PPP1R9A: variants seen among roughly 807,000 people sequenced by gnomAD.
The protein encoded by PPP1R9A is neurabin-1.
PPP1R9A carries 59 observed loss-of-function variants against 141.9 expected under a neutral mutation model. That is an observed-to-expected ratio of 0.42 (90% CI 0.34 to 0.52). The LOEUF is 0.52. PPP1R9A is among the 20% of genes least tolerant of loss of function. The pLI is 0.10. For synonymous variants in PPP1R9A, 500 were observed against 569.7 expected, an observed-to-expected ratio of 0.88 and a Z score of 1.74; for missense variants, 1,444 against 1,611.9, an observed-to-expected ratio of 0.90 and a Z score of 1.78.
Position 95,250,158 on chromosome 7 carries a change from A to G in PPP1R9A, c.2299A>G (p.Thr767Ala), listed in dbSNP as rs780336589. The G allele has an allele frequency of 3.6e-5, 58 of 1,613,920 alleles. No individual in the cohort carries two copies. Among genetic ancestry groups the G allele is most frequent in the Non-Finnish European group, 4.7e-5 (55 of 1,179,972 alleles). Residue 767 changes from threonine (T) to alanine (A), a missense_variant, in exon 10 of 20, where the codon ACA becomes GCA. Transcript: ENST00000433360. Reference sequence around the variant, plus strand: ...GATTGAGGCCCAAACATTATGCCACACAGTGAATGAGCATCTCAAAGAGAC... The same window carrying G: ...GATTGAGGCCCAAACATTATGCCACGCAGTGAATGAGCATCTCAAAGAGAC... ...YWIEAQTLCHTVNEHLKETQS... is the reference protein window; with the variant it reads ...YWIEAQTLCHAVNEHLKETQS...
intron 2 of PPP1R9A, among the ~76,000 whole-genome samples, chr7:94,954,208 C>A (rs1246563895): frequency 1.3e-5 from 2 of 151,904 alleles, no homozygotes; most frequent in East Asian, 3.9e-4. Flanking sequence ...TACTGCTTAG[C>A]TGCATCTCGC....
chr7:95,022,690 G>C (rs533407991), intron 2 of PPP1R9A, among the ~76,000 whole-genome samples: 4 of 152,096 alleles, frequency 2.6e-5, no homozygotes, highest in Non-Finnish European at 1.5e-5. Flanking sequence ...TAGCATGAAG[G>C]GGTGTTGAAT....
At chr7:94,922,675 T>G (rs1792993074) in intron 2 of PPP1R9A, among the ~76,000 whole-genome samples, 1 of 152,162 alleles carries the variant, frequency 6.6e-6, no homozygotes, top group African/African-American at 2.4e-5. Context: ...TATTTTTACT[T>G]TAAAAATATG....
At chr7:95,124,352 T>C (rs190382198) in intron 4 of PPP1R9A, among the ~76,000 whole-genome samples, 30 of 152,276 alleles carry the variant, frequency 2.0e-4, no homozygotes, top group Middle Eastern at 6.8e-3. Flanking sequence ...GTATATATTC[T>C]ATTTCTTCTT....
At chr7:95,155,146 A>T (rs1158004120) in intron 4 of PPP1R9A, 1 of 151,688 alleles carries the variant, frequency 6.6e-6, no homozygotes, top group Non-Finnish European at 1.5e-5. Flanking sequence ...CTAGCATCAC[A>T]GCAAAGGTAC....
chr7:95,030,909 C>G (rs1163831265), intron 2 of PPP1R9A, among the ~76,000 whole-genome samples: 2 of 152,158 alleles, frequency 1.3e-5, no homozygotes, highest in Non-Finnish European at 2.9e-5. Context: ...CTGGGCCTGC[C>G]CTTTCCTCCT....
intron 2 of PPP1R9A, among the ~76,000 whole-genome samples, chr7:95,087,514 G>A (rs946390712): frequency 6.6e-6 from 1 of 151,978 alleles, no homozygotes; most frequent in African/African-American, 2.4e-5. Context: ...CTCTGATGGG[G>A]AAAAAGTGAA....
At position 95,268,694 on chromosome 7, in the gene PPP1R9A, G is replaced by A. The variant is rs1301401129; in HGVS notation, c.2810G>A (p.Ser937Asn). The change falls in exon 13 of 20, where the codon AGT becomes AAT. Residue 937 changes from serine (S) to asparagine (N), a missense_variant. Physicochemically the swap from Ser to Asn is conservative, Grantham distance 46. Coordinates refer to ENST00000433360, the MANE Select transcript of PPP1R9A (RefSeq NM_001166160.2). ...DSVSSTDGED[S>N]LERKPSNSFY... ...GTTAGTTCCACAGATGGGGAGGACA[G>A]TCTAGAGAGAAAGGTGAGCACCCTT... is the stretch of plus-strand genomic sequence containing the variant. 1 of 1,612,942 alleles carries A rather than the reference G, an allele frequency of 6.2e-7. No homozygotes were observed. Among genetic ancestry groups the A allele is most frequent in the Admixed American group, 1.7e-5 (1 of 59,918 alleles).
At chr7:95,109,805 C>T (rs1038686457) in intron 2 of PPP1R9A, among the ~76,000 whole-genome samples, 1 of 150,904 alleles carries the variant, frequency 6.6e-6, no homozygotes, top group African/African-American at 2.4e-5. Flanking sequence ...CTACTGCACT[C>T]CAGCTTGGAG....
At chr7:95,217,754 G>A (rs767848965) in intron 7 of PPP1R9A, among the ~76,000 whole-genome samples, 2 of 152,128 alleles carry the variant, frequency 1.3e-5, no homozygotes, top group Non-Finnish European at 2.9e-5. Context: ...TAGTTTATTT[G>A]CGTAGATGTG....
At chr7:95,125,667 A>G (rs1257936986) in intron 4 of PPP1R9A, among the ~76,000 whole-genome samples, 1 of 152,186 alleles carries the variant, frequency 6.6e-6, no homozygotes, top group Non-Finnish European at 1.5e-5. Flanking sequence ...TCCATTTTGG[A>G]CACACGTTGT....
chr7:95,277,526 C>T (rs1186568149), intron 16 of PPP1R9A, among the ~76,000 whole-genome samples: 1 of 152,048 alleles, frequency 6.6e-6, no homozygotes, highest in Non-Finnish European at 1.5e-5. Flanking sequence ...ACCTCCTGGG[C>T]TCAAGTGATC....
intron 4 of PPP1R9A, among the ~76,000 whole-genome samples, chr7:95,161,085 G>C (rs989197139): frequency 2.6e-5 from 4 of 152,144 alleles, no homozygotes; most frequent in Non-Finnish European, 5.9e-5. Context: ...AGTTCTTTGA[G>C]AAATCTTTAA....
intron 2 of PPP1R9A, among the ~76,000 whole-genome samples, chr7:95,045,232 C>T (rs1290969362): frequency 2.0e-5 from 3 of 152,084 alleles, no homozygotes; most frequent in Non-Finnish European, 4.4e-5. Context: ...GGCAAGTTTC[C>T]GAGCAGGAAT....
chr7:95,131,156 G>T lies in PPP1R9A; in HGVS notation c.1649+10324G>T, dbSNP rs555244153. Reference sequence around the variant, plus strand: ...TTGTAACTCCCACAATTCCCATGTCGTGGGAGGAACCTGCTAGGAAGTGAT... The same window carrying T: ...TTGTAACTCCCACAATTCCCATGTCTTGGGAGGAACCTGCTAGGAAGTGAT... On this transcript the variant is annotated intron_variant, in intron 4 of 19. Coordinates refer to ENST00000433360, the MANE Select transcript of PPP1R9A (RefSeq NM_001166160.2). Among the ~76,000 whole-genome samples the T allele has an allele frequency of 1.3e-5, 2 of 152,130 alleles. 1 individual carries two copies. The highest frequency in any genetic ancestry group is 4.8e-5 in the African/African-American group (2 of 41,422).
At chr7:95,179,672 G>C (rs1237682363) in intron 5 of PPP1R9A, among the ~76,000 whole-genome samples, 1 of 149,716 alleles carries the variant, frequency 6.7e-6, no homozygotes, top group Non-Finnish European at 1.5e-5. Flanking sequence ...ATTCAGCAAA[G>C]TTTCTGGATA....
intron 16 of PPP1R9A, among the ~76,000 whole-genome samples, chr7:95,275,264 C>T (rs574644175): frequency 6.6e-5 from 10 of 151,974 alleles, no homozygotes; most frequent in African/African-American, 2.4e-4. Flanking sequence ...AAAAATTAGC[C>T]AGGCGTGGTG....
chr7:95,238,162 GTT>G (rs1362693058), intron 8 of PPP1R9A, among the ~76,000 whole-genome samples: 1 of 152,098 alleles, frequency 6.6e-6, no homozygotes, highest in Non-Finnish European at 1.5e-5. Flanking sequence ...TATTTCAGGA[GTT>G]TTAGTTACAT....
At chr7:94,980,608 T>G (rs1218848894) in intron 2 of PPP1R9A, among the ~76,000 whole-genome samples, 4 of 151,280 alleles carry the variant, frequency 2.6e-5, no homozygotes, top group East Asian at 1.9e-4. Flanking sequence ...GTTTAGTGTT[T>G]TTTTTTTTTT....
Sources: gnomAD v4.1 joint callset for allele counts (sites outside exome capture counted in the v4.1 genomes callset) on GRCh38, gnomAD v4.1.1 for gene constraint, MANE v1.5 for transcripts, NCBI Gene and HGNC (gene_info 2026-07-23, HGNC 2026-07-21) for gene names.